CCDC102B: variants seen among roughly 807,000 people sequenced by gnomAD.
The protein encoded by CCDC102B is coiled-coil domain-containing protein 102B.
CCDC102B carries 75 observed loss-of-function variants against 57.4 expected under a neutral mutation model. The ratio of observed to expected loss-of-function variants is 1.31; its 90% CI spans 1.08 to 1.58. The LOEUF is 1.58. Among genes scored for constraint, CCDC102B ranks in the 40% most tolerant of loss-of-function variants. The pLI is 0.00. For synonymous variants in CCDC102B, 206 were observed against 201.9 expected (o/e 1.02, Z -0.17); for missense variants, 636 against 582.6 (o/e 1.09, Z -0.94).
chr18:68,887,938 G>T (rs559393275), intron 5 of CCDC102B, among the ~76,000 whole-genome samples: 1 of 152,158 alleles, frequency 6.6e-6, no homozygotes, highest in Admixed American at 6.5e-5. Context: ...TTGCTAAATG[G>T]GTTTACTTTT....
intron 6 of CCDC102B, among the ~76,000 whole-genome samples, chr18:68,940,556 T>G (rs969007693): frequency 6.6e-6 from 1 of 151,850 alleles, no homozygotes; most frequent in African/African-American, 2.4e-5. Context: ...TAAAGAAGCT[T>G]GTGAGATACA....
intron 6 of CCDC102B, among the ~76,000 whole-genome samples, chr18:68,971,705 TTAAAA>T (rs1170195065): frequency 6.6e-6 from 1 of 152,172 alleles, no homozygotes; most frequent in Admixed American, 6.6e-5. Context: ...CTTCTACCTT[TTAAAA>T]TCCTTCCCCA....
chr18:68,889,718 C>T (rs1345458215), intron 5 of CCDC102B, among the ~76,000 whole-genome samples: 2 of 152,148 alleles, frequency 1.3e-5, no homozygotes, highest in African/African-American at 2.4e-5. Context: ...GGATTACAGG[C>T]GTGAGCCACC....
At chr18:68,751,266 A>G (rs2033840665) in intron 2 of CCDC102B, among the ~76,000 whole-genome samples, 1 of 152,152 alleles carries the variant, frequency 6.6e-6, no homozygotes, top group African/African-American at 2.4e-5. Flanking sequence ...ACATTTTTTC[A>G]TTAATTAATC....
At chr18:68,942,709 T>C (rs566014323) in intron 6 of CCDC102B, among the ~76,000 whole-genome samples, 3 of 151,354 alleles carry the variant, frequency 2.0e-5, no homozygotes, top group African/African-American at 4.9e-5. Flanking sequence ...GGGTTTTACA[T>C]GGAGACATTC....
At chr18:68,782,598 CA>C (rs139054277) in intron 2 of CCDC102B, among the ~76,000 whole-genome samples, 3,288 of 152,182 alleles carry the variant, frequency 0.022, 98 homozygotes, top group African/African-American at 0.065. Context: ...CGATCTGGAT[CA>C]GGGGTGCATT....
intron 5 of CCDC102B, among the ~76,000 whole-genome samples, chr18:68,876,866 G>A (rs763980463): frequency 6.6e-6 from 1 of 152,066 alleles, no homozygotes; most frequent in African/African-American, 2.4e-5. Flanking sequence ...ATACTTTCTG[G>A]TCATTTAGAT....
chr18:69,050,546 A>G lies in CCDC102B; in HGVS notation c.1435-3484A>G, dbSNP rs1351352567. 2.6e-5 allele frequency among the ~76,000 whole-genome samples: 4 copies of G among 152,166 alleles called. No homozygotes were observed. In the East Asian group the frequency reaches 7.7e-4, roughly 29 times the overall value. On this transcript the variant is annotated intron_variant, in intron 7 of 7. Transcript: ENST00000360242. ...TAATTTTCATTGTCCTTCTAATAAA[A>G]CAAGTTTAGGTTAGATAATGTATGC... is the stretch of plus-strand genomic sequence containing the variant.
intron 4 of CCDC102B, chr18:68,859,160 A>G (rs1188326256): frequency 1.4e-5 from 2 of 145,734 alleles, no homozygotes; most frequent in Non-Finnish European, 3.0e-5. Flanking sequence ...ATCTACAACT[A>G]TCTGATCTTT....
chr18:68,889,303 A>G (rs990065424), intron 5 of CCDC102B, among the ~76,000 whole-genome samples: 1 of 152,220 alleles, frequency 6.6e-6, no homozygotes, highest in African/African-American at 2.4e-5. Context: ...ACACGTGAAG[A>G]CACATGGAGA....
chr18:68,804,053 T>C (rs1391672909), intron 1 of CCDC102B, among the ~76,000 whole-genome samples: 2 of 152,208 alleles, frequency 1.3e-5, no homozygotes, highest in African/African-American at 2.4e-5. Flanking sequence ...CCATACAGTA[T>C]TCCAGGCAAG....
rs192574385 is a variant in CCDC102B at position 68,892,304 on chromosome 18, G to A, written c.1054-4915G>A. ...CTCCTTTATTACATTTCTGATAGTA[G>A]CTTGTGTTCTGGCTCTCCAGGTCTG... On this transcript the variant is annotated intron_variant, in intron 5 of 7. Coordinates refer to ENST00000360242, the MANE Select transcript of CCDC102B (RefSeq NM_024781.3). 1.5e-3 allele frequency among the ~76,000 whole-genome samples: 232 copies of A among 152,182 alleles called. 1 individual carries two copies. Among genetic ancestry groups the A allele is most frequent in the Non-Finnish European group, 2.4e-3 (164 of 68,012 alleles).
intron 6 of CCDC102B, among the ~76,000 whole-genome samples, chr18:68,991,050 G>A (rs965667797): frequency 6.7e-6 from 1 of 149,682 alleles, no homozygotes; most frequent in African/African-American, 2.5e-5. Context: ...TAATTTTTAT[G>A]AACATTAATA....
At chr18:68,877,855 G>A (rs896770026) in intron 5 of CCDC102B, among the ~76,000 whole-genome samples, 2 of 152,146 alleles carry the variant, frequency 1.3e-5, no homozygotes, top group Admixed American at 1.3e-4. Context: ...AAAGGAAAGG[G>A]CCTGACAGTT....
chr18:68,913,672 G>A (rs58568531), intron 6 of CCDC102B, among the ~76,000 whole-genome samples: 135,403 of 147,396 alleles, frequency 0.92, 62,236 homozygotes, highest in East Asian at 0.98. Flanking sequence ...AAAAAAAAAA[G>A]CAAAAACAAA....
chr18:68,911,201 G>A (rs112930892), intron 6 of CCDC102B, among the ~76,000 whole-genome samples: 463 of 152,260 alleles, frequency 3.0e-3, no homozygotes, highest in Admixed American at 4.6e-3. Flanking sequence ...CCCATCAACA[G>A]TAAACTGGAT....
In CCDC102B at chr18:68,816,566, C is replaced by T. The variant is rs564516105; in HGVS notation, c.-16+18385C>T. ...CTGCAAGCTCCGCCTCTCGGATTCACGCCATTCTCCTGCCTCAGCCTCCTG... is the reference window on the plus strand; with the variant it reads ...CTGCAAGCTCCGCCTCTCGGATTCATGCCATTCTCCTGCCTCAGCCTCCTG... On this transcript the variant is annotated intron_variant, in intron 1 of 7. Coordinates refer to ENST00000360242, the MANE Select transcript of CCDC102B (RefSeq NM_024781.3). Among the ~76,000 whole-genome samples, 5 of 149,670 alleles carry T rather than the reference C, an allele frequency of 3.3e-5. No homozygotes were observed. The South Asian group carries it at 1.1e-3, about 32-fold the overall frequency.
upstream of CCDC102B, among the ~76,000 whole-genome samples, chr18:68,793,206 A>G (rs1329148341): frequency 6.6e-6 from 1 of 152,178 alleles, no homozygotes; most frequent in Non-Finnish European, 1.5e-5. Context: ...CTTCCTTACA[A>G]AAAATTTTCA....
At chr18:69,033,848 AC>A (rs2052213673) in intron 7 of CCDC102B, among the ~76,000 whole-genome samples, 1 of 151,998 alleles carries the variant, frequency 6.6e-6, no homozygotes, top group Non-Finnish European at 1.5e-5. Flanking sequence ...TCACATTCTT[AC>A]CAAAATTTGT....
Sources: allele counts gnomAD v4.1 joint callset (sites outside exome capture counted in the v4.1 genomes callset), GRCh38; gene constraint gnomAD v4.1.1; transcripts MANE v1.5; gene names NCBI Gene and HGNC (gene_info 2026-07-23, HGNC 2026-07-21).